Variants in ARHGEF1 observed in about 807,000 individuals in gnomAD.
ARHGEF1 encodes the protein 115 kDa guanine nucleotide exchange factor.
In ARHGEF1, 40 loss-of-function variants were observed where a neutral mutation model predicts 119.7. That is an observed-to-expected ratio of 0.33 (90% confidence interval 0.26 to 0.44). The LOEUF is 0.44. Among genes scored for constraint, ARHGEF1 ranks in the 20% least tolerant of loss-of-function variants. ARHGEF1 has a pLI of 1.00. For synonymous variants in ARHGEF1, 494 were observed against 521.0 expected (o/e 0.95, Z 0.71); for missense variants, 976 against 1,268.3 (o/e 0.77, Z 3.50).
intron 14 of ARHGEF1, among the ~76,000 whole-genome samples, chr19:41,901,137 T>A (rs1386574942): frequency 1.3e-5 from 2 of 151,428 alleles, no homozygotes; most frequent in Non-Finnish European, 2.9e-5. Flanking sequence ...GAGAGTTTTT[T>A]TTTTTATTTG....
downstream of ARHGEF1, chr19:41,908,076 C>CA: frequency 1.9e-6 from 1 of 518,414 alleles, no homozygotes; most frequent in African/African-American, 2.0e-5. The surrounding 1 kb of genome is among the most constrained non-coding windows in gnomAD (Gnocchi z 6.7). Flanking sequence ...GAGACCCCCC[C>CA]CACTCTGGGG....
upstream of ARHGEF1, among the ~76,000 whole-genome samples, chr19:41,919,380 TCAAA>T (rs1303779821): frequency 6.6e-6 from 1 of 151,834 alleles, no homozygotes; most frequent in Non-Finnish European, 1.5e-5. Context: ...ACATACACAA[TCAAA>T]CATACACAAA....
chr19:41,893,890 G>A (rs192778664), intron 8 of ARHGEF1, among the ~76,000 whole-genome samples: 3 of 119,392 alleles, frequency 2.5e-5, no homozygotes, highest in Non-Finnish European at 5.2e-5. Context: ...TGAGGGAGGA[G>A]GGGGCTGGGG....
chr19:41,920,586 CACAG>C (rs2074836516), upstream of ARHGEF1, among the ~76,000 whole-genome samples: 1 of 152,222 alleles, frequency 6.6e-6, no homozygotes. Flanking sequence ...GTGATGCACT[CACAG>C]ACAGGACATG....
Position 41,907,363 on chromosome 19 carries a change from C to T in ARHGEF1, c.*276C>T. ...CCATCTCAGTATTGCCTGTGGGGGC[C>T]ACCCCTCCACCCCCACCCCCAAGTG... On this transcript the variant is annotated 3_prime_UTR_variant, in exon 29 of 29. Transcript: ENST00000354532. 6.5e-7 allele frequency: 1 copy of T among 1,534,800 alleles called. No homozygotes were observed.
At chr19:41,901,147 GTTTGT>G (rs1487207018) in intron 14 of ARHGEF1, among the ~76,000 whole-genome samples, 2 of 150,078 alleles carry the variant, frequency 1.3e-5, no homozygotes, top group East Asian at 2.0e-4. Flanking sequence ...TTTTTTATTT[GTTTGT>G]TTTGTTTTGT....
rs1690540044 is a variant in ARHGEF1 at position 41,903,201 on chromosome 19, C to T, written c.1739-106C>T. 1.9e-5 allele frequency: 19 copies of T among 1,009,378 alleles called. No individual in the cohort carries two copies. The highest frequency in any genetic ancestry group is 2.1e-4 in the Middle Eastern group (1 of 4,756). 62.5% of individuals were successfully genotyped at this position (1,009,378 alleles called of 1,614,324 possible). Reference sequence around the variant, plus strand: ...CCTCCCAAAGTGCTTGGATTACAGGCGTGAGCCACCATGCCCGGCCAGCTG... The same window carrying T: ...CCTCCCAAAGTGCTTGGATTACAGGTGTGAGCCACCATGCCCGGCCAGCTG... On this transcript the variant is annotated intron_variant, in intron 18 of 28. Transcript: ENST00000354532. The surrounding 1 kb of genome is among the most constrained non-coding windows in gnomAD (Gnocchi z 4.2).
At position 41,905,630 on chromosome 19, in the gene ARHGEF1, G is replaced by A; in HGVS notation, c.2337-130G>A. The stretch of plus-strand genomic sequence containing the variant: ...ATTGTCTGGGCCTCTCTGTCTCCCT[G>A]TCTCCCGGCCTCGACCTCTGTCTCT... On this transcript the variant is annotated intron_variant, in intron 24 of 28. Coordinates refer to ENST00000354532, the MANE Select transcript of ARHGEF1 (RefSeq NM_004706.4). This position sits in a 1 kb window ranked among gnomAD's most constrained non-coding sequence, Gnocchi z 6.4. 4.4e-6 allele frequency: 4 copies of A among 908,116 alleles called. No homozygotes were observed. The highest frequency in any genetic ancestry group is 6.7e-6 in the Non-Finnish European group (4 of 597,426). 56.3% of individuals were successfully genotyped at this position (908,116 alleles called of 1,614,324 possible).
intron 18 of ARHGEF1, among the ~76,000 whole-genome samples, chr19:41,914,858 T>TC (rs782588544): frequency 1.4e-4 from 1 of 7,208 alleles, no homozygotes; most frequent in South Asian, 6.4e-3. Flanking sequence ...TCTCCCCCCC[T>TC]CCACCATCTC....
intron 12 of ARHGEF1, among the ~76,000 whole-genome samples, 180 bp downstream of exon 12, chr19:41,895,666 GT>G (rs1555847429): frequency 6.6e-6 from 1 of 152,114 alleles, no homozygotes; most frequent in Non-Finnish European, 1.5e-5. Context: ...CCTTCCCTCA[GT>G]TTGCCCTTTC....
At position 41,905,992 on chromosome 19, in the gene ARHGEF1, G is replaced by A. The variant is rs369443387; in HGVS notation, c.2458G>A (p.Glu820Lys). 7 of 1,614,028 alleles carry A rather than the reference G, an allele frequency of 4.3e-6. No homozygotes were observed. The highest frequency in any genetic ancestry group is 1.7e-5 in the Admixed American group (1 of 60,012). The change falls in exon 26 of 29, where the codon GAG (glutamate) becomes AAG (lysine). Residue 820 changes from glutamate to lysine, a missense_variant. Glu to Lys is a moderately conservative substitution (Grantham distance 56, BLOSUM62 1). Around this residue, in one of 3 missense-constraint regions of ARHGEF1, gnomAD observed 171 missense variants for 180.6 expected, o/e 0.95. Coordinates refer to ENST00000354532, the MANE Select transcript of ARHGEF1 (RefSeq NM_004706.4). This position sits in a 1 kb window ranked among gnomAD's most constrained non-coding sequence, Gnocchi z 6.4. ...DLLPFCRPGP[E>K]GQLAATALRK... is the part of the protein sequence containing the mutation. Reference sequence around the variant, plus strand: ...CCTGCCCTTCTGCAGACCAGGCCCCGAGGGCCAGCTCGCTGCCACGGCCCT... The same window carrying A: ...CCTGCCCTTCTGCAGACCAGGCCCCAAGGGCCAGCTCGCTGCCACGGCCCT...
chr19:41,907,425 A>AT lies in ARHGEF1; in HGVS notation c.*344dup, dbSNP rs2074720162. ...TTTTTATACCCTGAATTGGAGGTTT[A>AT]TTTTTTAATATATATTATCTAAGAA... On this transcript the variant is annotated 3_prime_UTR_variant, in exon 29 of 29. Coordinates refer to ENST00000354532, the MANE Select transcript of ARHGEF1 (RefSeq NM_004706.4). 6.5e-7 allele frequency: 1 copy of AT among 1,527,022 alleles called. No homozygotes were observed. The highest frequency in any genetic ancestry group is 8.7e-7 in the Non-Finnish European group (1 of 1,143,330). 94.6% of individuals were successfully genotyped at this position (1,527,022 alleles called of 1,614,324 possible). A position where few individuals can be genotyped will look rare whatever the true frequency, so the allele number is the denominator to read the frequency against.
At chr19:41,912,967 T>G (rs1555851388) in intron 18 of ARHGEF1, 1 of 1,022,924 alleles carries the variant, frequency 9.8e-7, no homozygotes, top group Non-Finnish European at 1.3e-6. Flanking sequence ...GGGGACGGGG[T>G]GGGCAGGAGA....
At chr19:41,910,089 A>G (rs1210107291), downstream of ARHGEF1, 63 of 1,612,578 alleles carry the variant, frequency 3.9e-5, no homozygotes, top group Non-Finnish European at 5.2e-5. This position sits in a 1 kb window ranked among gnomAD's most constrained non-coding sequence, Gnocchi z 4.4. Context: ...CAATCCGGGA[A>G]GGCAAACCCT....
Position 41,892,614 on chromosome 19 carries a change from G to T in ARHGEF1, c.379G>T (p.Ala127Ser). Residue 127 changes from alanine (A) to serine (S), a missense_variant, in exon 7 of 29, where the codon GCT (alanine) becomes TCT (serine). Transcript: ENST00000354532. This position sits in a 1 kb window ranked among gnomAD's most constrained non-coding sequence, Gnocchi z 6.3. ...NVAFELDRTR[A>S]DLISEDVQRR... ...GTGTGTCCCTGCAGACCGCACTAGG[G>T]CTGACCTCATCTCCGAGGATGTCCA... 2 of 1,604,554 alleles carry T rather than the reference G, an allele frequency of 1.2e-6. No homozygotes were observed. The highest frequency in any genetic ancestry group is 2.2e-5 in the South Asian group (2 of 89,474).
rs551925328 is a variant in ARHGEF1 at position 41,883,783 on chromosome 19, G to A, written c.-20+494G>A. Among the ~76,000 whole-genome samples, 1 of 152,348 alleles carries A rather than the reference G, an allele frequency of 6.6e-6. No individual in the cohort carries two copies. Among genetic ancestry groups the A allele is most frequent in the Non-Finnish European group, 1.5e-5 (1 of 68,042 alleles). On this transcript the variant is annotated intron_variant, in intron 1 of 28. Coordinates refer to ENST00000354532, the MANE Select transcript of ARHGEF1 (RefSeq NM_004706.4). The surrounding 1 kb of genome is among the most constrained non-coding windows in gnomAD (Gnocchi z 7.6). ...GCTGTGAAGCTGAAAGTTGCAGAGT[G>A]CATTTGAAAGAGTTTTCGGAAAGCT...
chr19:41,928,074 A>G (rs2074882700), intron 1 of ARHGEF1: 1 of 151,742 alleles, frequency 6.6e-6, no homozygotes, highest in Admixed American at 6.6e-5. Context: ...CGGTCCGGGG[A>G]GAAGTGTTTA....
chr19:41,900,405 A>G (rs1555848791), intron 14 of ARHGEF1, among the ~76,000 whole-genome samples: 1 of 152,214 alleles, frequency 6.6e-6, no homozygotes, highest in Non-Finnish European at 1.5e-5. Flanking sequence ...ACGAAAATGT[A>G]AAGAGTTGTA....
At position 41,888,881 on chromosome 19, in the gene ARHGEF1, G is replaced by A; in HGVS notation, c.225+16G>A. The A allele has an allele frequency of 6.2e-7, 1 of 1,600,120 alleles. No homozygotes were observed. The highest frequency in any genetic ancestry group is 8.6e-7 in the Non-Finnish European group (1 of 1,169,080). ...AGGACCCCTGGTGAGGGCAGGGCTG[G>A]GTGGGCACAGGGAGGGGTGGGGCTG... On this transcript the variant is annotated intron_variant, in intron 4 of 28. Transcript: ENST00000354532. The surrounding 1 kb of genome is among the most constrained non-coding windows in gnomAD (Gnocchi z 5.1).
Sources: gnomAD v4.1 joint callset for allele counts (sites outside exome capture counted in the v4.1 genomes callset) on GRCh38, gnomAD v4.1.1 for gene constraint, gnomAD v4.1.1 regional missense constraint, Gnocchi (gnomAD v3.1) non-coding constraint, MANE v1.5 for transcripts, NCBI Gene and HGNC (gene_info 2026-07-23, HGNC 2026-07-21) for gene names.